ZFPM1: variants seen among roughly 807,000 people sequenced by gnomAD.
ZFPM1 encodes the protein zinc finger protein ZFPM1.
Under a neutral mutation model 46.3 loss-of-function variants are expected in ZFPM1, and 28 were observed. The observed-to-expected ratio is 0.60, with a 90% CI of 0.45 to 0.83. The LOEUF (loss-of-function observed/expected upper bound fraction) is 0.83. Ranked by LOEUF, ZFPM1 falls within the 40% of genes least tolerant of loss-of-function variation. ZFPM1 has a pLI of 0.00. For synonymous variants in ZFPM1, 957 were observed against 675.9 expected (o/e 1.42, Z -6.45); for missense variants, 1,878 against 1,432.4 (o/e 1.31, Z -5.02).
chr16:88,523,605 G>A (rs77149258), intron 4 of ZFPM1, among the ~76,000 whole-genome samples: 10 of 152,164 alleles, frequency 6.6e-5, no homozygotes, highest in South Asian at 2.1e-4. Flanking sequence ...CCTGTCCCCT[G>A]AGAGGTGTCA....
At position 88,469,687 on chromosome 16, in the gene ZFPM1, C is replaced by T. The variant is rs958889884; in HGVS notation, c.40+16009C>T. On this transcript the variant is annotated intron_variant, in intron 1 of 9. Transcript: ENST00000319555. The surrounding 1 kb of genome is among the most constrained non-coding windows in gnomAD (Gnocchi z 4.3). ...TGGCTGGAGGCCCTGTCAGCTCCCA[C>T]GGCACCTGAAAATCAGCCACAGGTG... is the stretch of plus-strand genomic sequence containing the variant. Among the ~76,000 whole-genome samples the T allele has an allele frequency of 6.6e-6, 1 of 152,186 alleles. No homozygotes were observed.
chr16:88,452,266 T>C (rs1458004505), upstream of ZFPM1, among the ~76,000 whole-genome samples: 2 of 152,232 alleles, frequency 1.3e-5, no homozygotes, highest in African/African-American at 4.8e-5. Context: ...AGTGGGGCTC[T>C]TGAACACACC....
chr16:88,513,536 G>A (rs1911097045), intron 3 of ZFPM1, among the ~76,000 whole-genome samples: 1 of 152,188 alleles, frequency 6.6e-6, no homozygotes, highest in Admixed American at 6.5e-5. Flanking sequence ...GAGAGGTAGA[G>A]GTGGCCCGGC....
intron 3 of ZFPM1, among the ~76,000 whole-genome samples, chr16:88,490,395 G>A (rs1014913108): frequency 3.9e-5 from 6 of 152,256 alleles, no homozygotes; most frequent in Non-Finnish European, 7.3e-5. Flanking sequence ...GCATATAGCC[G>A]GGAGCAGATG....
At chr16:88,509,795 T>G (rs576030107) in intron 3 of ZFPM1, among the ~76,000 whole-genome samples, 1 of 152,300 alleles carries the variant, frequency 6.6e-6, no homozygotes, top group East Asian at 1.9e-4. Flanking sequence ...CTCCCTGCTA[T>G]GTGACCCCCA....
intron 1 of ZFPM1, among the ~76,000 whole-genome samples, chr16:88,455,982 A>G (rs993328465): frequency 5.3e-5 from 8 of 152,152 alleles, no homozygotes; most frequent in African/African-American, 1.4e-4. Context: ...GCCAAGAGCG[A>G]TAAGAGGCCT....
At chr16:88,515,998 A>G in intron 4 of ZFPM1, 1 of 397,096 alleles carries the variant, frequency 2.5e-6, no homozygotes, top group East Asian at 3.6e-5. Context: ...ACCAAGGGCA[A>G]AGACCGTAGG....
In ZFPM1 at chr16:88,534,611, C is replaced by G; in HGVS notation, c.2653C>G (p.Leu885Val). The G allele has an allele frequency of 8.7e-7, 1 of 1,155,476 alleles. No individual in the cohort carries two copies. The highest frequency in any genetic ancestry group is 3.8e-5 in the South Asian group (1 of 26,240). The allele number at this position is 1,155,476 out of a possible 1,614,324, so 71.6% of individuals were successfully genotyped here. ...LAHGLLLGAP[L>V]AGPGVEARTP... is the part of the protein sequence containing the mutation. ...GCACGGCCTGCTGCTCGGCGCGCCCCTGGCCGGCCCGGGGGTCGAGGCCCG... is the reference window on the plus strand; with the variant it reads ...GCACGGCCTGCTGCTCGGCGCGCCCGTGGCCGGCCCGGGGGTCGAGGCCCG... Residue 885 changes from leucine (L) to valine (V), a missense_variant, in exon 10 of 10, where the codon CTG becomes GTG. Coordinates refer to ENST00000319555, the MANE Select transcript of ZFPM1 (RefSeq NM_153813.3).
At chr16:88,510,110 C>T (rs755606168) in intron 3 of ZFPM1, among the ~76,000 whole-genome samples, 4 of 152,146 alleles carry the variant, frequency 2.6e-5, no homozygotes, top group Admixed American at 1.3e-4. Flanking sequence ...CCGGCAGACA[C>T]ACCCCCTAAC....
At chr16:88,499,047 A>G (rs912957660) in intron 3 of ZFPM1, among the ~76,000 whole-genome samples, 8 of 152,144 alleles carry the variant, frequency 5.3e-5, no homozygotes, top group African/African-American at 1.9e-4. Flanking sequence ...GGCCAGAGCC[A>G]TCTGCAGCCC....
At chr16:88,456,616 G>T (rs1457433850) in intron 1 of ZFPM1, among the ~76,000 whole-genome samples, 1 of 152,192 alleles carries the variant, frequency 6.6e-6, no homozygotes, top group Non-Finnish European at 1.5e-5. Flanking sequence ...TTGGAAGGGG[G>T]TGACCTTTGG....
intron 3 of ZFPM1, among the ~76,000 whole-genome samples, chr16:88,505,615 T>G (rs1910606914): frequency 1.3e-5 from 2 of 152,122 alleles, no homozygotes; most frequent in African/African-American, 4.8e-5. Flanking sequence ...CGGTGCCATG[T>G]GGGCTGGCCC....
At chr16:88,466,795 C>G (rs1908153998) in intron 1 of ZFPM1, among the ~76,000 whole-genome samples, 1 of 152,138 alleles carries the variant, frequency 6.6e-6, no homozygotes, top group Non-Finnish European at 1.5e-5. Flanking sequence ...ATGTCAGCTC[C>G]AGTGACCAGC....
intron 4 of ZFPM1, among the ~76,000 whole-genome samples, chr16:88,524,525 T>C (rs947616674): frequency 1.5e-4 from 23 of 152,192 alleles, no homozygotes; most frequent in Non-Finnish European, 7.4e-5. Flanking sequence ...CTCACCACAG[T>C]GGACACTCAG....
intron 3 of ZFPM1, among the ~76,000 whole-genome samples, chr16:88,507,575 C>T (rs573524130): frequency 1.6e-4 from 25 of 152,314 alleles, no homozygotes; most frequent in African/African-American, 5.3e-4. Context: ...ACTCAGAGGA[C>T]GGTGCTCAGC....
chr16:88,460,424 C>G (rs1277648520), intron 1 of ZFPM1, among the ~76,000 whole-genome samples: 1 of 152,198 alleles, frequency 6.6e-6, no homozygotes, highest in Non-Finnish European at 1.5e-5. Flanking sequence ...GCGGCCCTCC[C>G]TGCCTCGGTT....
At chr16:88,518,191 C>T (rs1388812048) in intron 4 of ZFPM1, among the ~76,000 whole-genome samples, 7 of 147,410 alleles carry the variant, frequency 4.7e-5, no homozygotes, top group Admixed American at 3.4e-4. Context: ...GGCGACAGAG[C>T]GAGACTCCGT....
In ZFPM1 at chr16:88,535,125, T is replaced by C; in HGVS notation, c.*146T>C. 2.0e-6 allele frequency: 2 copies of C among 1,000,252 alleles called. No individual in the cohort carries two copies. Among genetic ancestry groups the C allele is most frequent in the Middle Eastern group, 3.3e-4 (1 of 2,986 alleles). The allele number at this position is 1,000,252 out of a possible 1,614,324, so 62.0% of individuals were successfully genotyped here. On this transcript the variant is annotated 3_prime_UTR_variant, in exon 10 of 10. Transcript: ENST00000319555. ...GGGGCCGCAGGGGGCAGCGCCCGCC[T>C]GGACCCTTGGCACTTAATAAAGAAG...
chr16:88,455,888 GC>G lies in ZFPM1; in HGVS notation c.40+2211del, dbSNP rs1243768643. ...GGGCCGGGGCAGCTCGGGACCCCCG[GC>G]GCCCCCAGCCCGCTGGGTTTTCCTC... On this transcript the variant is annotated intron_variant, in intron 1 of 9. Transcript: ENST00000319555. Among the ~76,000 whole-genome samples the G allele has an allele frequency of 3.9e-5, 6 of 152,312 alleles. No individual in the cohort carries two copies. The South Asian group carries it at 1.2e-3, about 32-fold the overall frequency.
Sources: gnomAD v4.1 joint callset for allele counts (sites outside exome capture counted in the v4.1 genomes callset) on GRCh38, gnomAD v4.1.1 for gene constraint, Gnocchi (gnomAD v3.1) non-coding constraint, MANE v1.5 for transcripts, NCBI Gene and HGNC (gene_info 2026-07-23, HGNC 2026-07-21) for gene names.